The following MSRB3 variants were observed in gnomAD, a reference collection of about 807,000 sequenced individuals.
The protein encoded by MSRB3 is methionine-R-sulfoxide reductase B3.
In MSRB3, 13 loss-of-function variants were observed where a neutral mutation model predicts 21.0. That is an observed-to-expected ratio of 0.62 (90% CI 0.40 to 0.98). The LOEUF (loss-of-function observed/expected upper bound fraction) is 0.98. MSRB3 is among the 50% of genes least tolerant of loss of function. The pLI, the probability that MSRB3 is intolerant of heterozygous loss-of-function variation, is 0.00. For synonymous variants in MSRB3, 87 were observed against 88.6 expected (o/e 0.98, Z 0.10); for missense variants, 199 against 230.3 (o/e 0.86, Z 0.88).
At chr12:65,308,468 A>G (rs780166149) in intron 1 of MSRB3, 61 bp from the exon 2 acceptor site, 166 of 1,578,936 alleles carry the variant, frequency 1.1e-4, no homozygotes, top group Non-Finnish European at 1.4e-4. Flanking sequence ...TGTGCAATGA[A>G]TGTGTTTAAT....
At chr12:65,322,834 C>T (rs1481908664) in intron 2 of MSRB3, among the ~76,000 whole-genome samples, 2 of 152,138 alleles carry the variant, frequency 1.3e-5, no homozygotes, top group Non-Finnish European at 2.9e-5. Flanking sequence ...ATGACAGCCA[C>T]GTTCTAGAAT....
intron 5 of MSRB3, among the ~76,000 whole-genome samples, chr12:65,390,322 C>T (rs1289311137): frequency 6.6e-6 from 1 of 152,086 alleles, no homozygotes; most frequent in Non-Finnish European, 1.5e-5. Context: ...CCTCTTTCCA[C>T]TGGAATTAAG....
chr12:65,427,732 G>C (rs770976494), intron 5 of MSRB3, among the ~76,000 whole-genome samples: 2 of 152,180 alleles, frequency 1.3e-5, no homozygotes, highest in African/African-American at 2.4e-5. Flanking sequence ...TCAGATTCTT[G>C]TAAAGTAGCC....
chr12:65,336,385 A>G (rs897298992), intron 4 of MSRB3, among the ~76,000 whole-genome samples: 1 of 152,242 alleles, frequency 6.6e-6, no homozygotes, highest in Non-Finnish European at 1.5e-5. Context: ...AAAGTTATAT[A>G]CACACGGAAA....
intron 4 of MSRB3, chr12:65,344,161 T>C (rs1227877627): frequency 6.6e-6 from 1 of 152,094 alleles, no homozygotes; most frequent in African/African-American, 2.4e-5. Context: ...GTATACACAG[T>C]AGTTTTCAGA....
In MSRB3 at chr12:65,464,326, C is replaced by CA. The variant is rs966403972; in HGVS notation, c.*1005dup. 27 of 152,382 alleles carry CA rather than the reference C, an allele frequency of 1.8e-4. No individual in the cohort carries two copies. The highest frequency in any genetic ancestry group is 5.8e-4 in the African/African-American group (24 of 41,540). 9.4% of individuals were successfully genotyped at this position (152,382 alleles called of 1,614,324 possible). On this transcript the variant is annotated 3_prime_UTR_variant, in exon 7 of 7. Transcript: ENST00000308259. ...AACTAGCTGGGCATGGTGGCGCATG[C>CA]ATGTAGTCCCAGCTACTCCTGAGGC...
intron 6 of MSRB3, among the ~76,000 whole-genome samples, chr12:65,456,961 C>T (rs961738089): frequency 2.0e-5 from 3 of 151,892 alleles, no homozygotes; most frequent in East Asian, 1.9e-4. Context: ...GTTCCATTCA[C>T]GTTTATTTTC....
chr12:65,359,277 C>T (rs1375564544), intron 4 of MSRB3, among the ~76,000 whole-genome samples: 1 of 151,922 alleles, frequency 6.6e-6, no homozygotes, highest in African/African-American at 2.4e-5. Context: ...GTCCAAAGTG[C>T]TAGTCAACTC....
At chr12:65,348,450 T>C (rs964938207) in intron 4 of MSRB3, among the ~76,000 whole-genome samples, 1 of 152,162 alleles carries the variant, frequency 6.6e-6, no homozygotes, top group African/African-American at 2.4e-5. Flanking sequence ...ATCATTTTTT[T>C]ATTGCATCTA....
intron 5 of MSRB3, among the ~76,000 whole-genome samples, chr12:65,383,627 C>A (rs1420121654): frequency 2.7e-5 from 4 of 150,370 alleles, no homozygotes; most frequent in Non-Finnish European, 4.4e-5. Flanking sequence ...TAGGAAATCA[C>A]ATAAATGAAC....
chr12:65,301,674 C>G (rs974355671), intron 1 of MSRB3, among the ~76,000 whole-genome samples: 2 of 152,144 alleles, frequency 1.3e-5, no homozygotes, highest in Non-Finnish European at 2.9e-5. Flanking sequence ...TTTAATGTAA[C>G]AGTATGAGAA....
intron 5 of MSRB3, among the ~76,000 whole-genome samples, chr12:65,402,280 T>C (rs2136605667): frequency 6.6e-6 from 1 of 152,346 alleles, no homozygotes; most frequent in East Asian, 1.9e-4. Flanking sequence ...TTTCATATAG[T>C]CCCATATTTC....
rs185541201 is a variant in MSRB3 at position 65,297,114 on chromosome 12, C to T, written c.-51-11415C>T. 4.7e-3 allele frequency among the ~76,000 whole-genome samples: 716 copies of T among 152,130 alleles called. 3 individuals carry two copies. Among genetic ancestry groups the T allele is most frequent in the Non-Finnish European group, 7.2e-3 (487 of 68,004 alleles). ...AGCCATTATCCTCAGCAAACTAATGCAGGAACAGAAAACCAAACACCACAT... is the reference window on the plus strand; with the variant it reads ...AGCCATTATCCTCAGCAAACTAATGTAGGAACAGAAAACCAAACACCACAT... On this transcript the variant is annotated intron_variant, in intron 1 of 6. Transcript: ENST00000308259.
intron 4 of MSRB3, among the ~76,000 whole-genome samples, chr12:65,333,258 C>T (rs947444138): frequency 2.6e-5 from 4 of 152,094 alleles, no homozygotes; most frequent in African/African-American, 9.7e-5. Context: ...ACACAACAAA[C>T]CATTATAAAA....
Position 65,321,536 on chromosome 12 carries a change from T to C in MSRB3, c.77-5290T>C, listed in dbSNP as rs187182603. ...CAGGAATGTTTTTCCTATATATGTC[T>C]ACTTTGAGAGAAAAATCAGAATTAG... is the stretch of plus-strand genomic sequence containing the variant. On this transcript the variant is annotated intron_variant, in intron 2 of 6. Transcript: ENST00000308259. Among the ~76,000 whole-genome samples the C allele has an allele frequency of 2.0e-4, 31 of 152,294 alleles. No individual in the cohort carries two copies. In the East Asian group the frequency reaches 5.6e-3, roughly 27 times the overall value.
At chr12:65,386,217 T>C (rs1022461908) in intron 5 of MSRB3, among the ~76,000 whole-genome samples, 1 of 151,974 alleles carries the variant, frequency 6.6e-6, no homozygotes, top group African/African-American at 2.4e-5. Context: ...AGTTCTTCTT[T>C]GGCTATTCTT....
intron 2 of MSRB3, among the ~76,000 whole-genome samples, chr12:65,313,583 T>C (rs1279009643): frequency 6.6e-6 from 1 of 152,112 alleles, no homozygotes; most frequent in Non-Finnish European, 1.5e-5. Context: ...TTTGACCACA[T>C]ATTCAGGACC....
At chr12:65,423,316 C>T (rs538143610) in intron 5 of MSRB3, among the ~76,000 whole-genome samples, 5 of 152,176 alleles carry the variant, frequency 3.3e-5, no homozygotes, top group Non-Finnish European at 7.4e-5. Flanking sequence ...TAAACTTCTG[C>T]CTTTCCAATT....
chr12:65,419,504 C>G (rs1430945144), intron 5 of MSRB3: 1 of 740,680 alleles, frequency 1.4e-6, no homozygotes, highest in African/African-American at 1.7e-5. Flanking sequence ...TGGCGCATGG[C>G]CAGCTCTGTG....
Sources: gnomAD v4.1 joint callset for allele counts (sites outside exome capture counted in the v4.1 genomes callset) on GRCh38, gnomAD v4.1.1 for gene constraint, MANE v1.5 for transcripts, NCBI Gene and HGNC (gene_info 2026-07-23, HGNC 2026-07-21) for gene names.